The following MUC4 variants were observed in gnomAD, a reference collection of about 807,000 sequenced individuals.
MUC4 encodes the protein mucin 4, cell surface associated.
Under a neutral mutation model 257.9 loss-of-function variants are expected in MUC4, and 202 were observed. The ratio of observed to expected loss-of-function variants is 0.78; its 90% confidence interval spans 0.70 to 0.88. MUC4 has a LOEUF of 0.88. MUC4 is among the 40% of genes least tolerant of loss of function. The pLI is 0.00. For synonymous variants in MUC4, 2,351 were observed against 2,757.1 expected, an observed-to-expected ratio of 0.85 and a Z score of 4.62; for missense variants, 5,976 against 6,513.7, an observed-to-expected ratio of 0.92 and a Z score of 2.84.
chr3:195,767,463 TACC>T (rs1244582324), intron 7 of MUC4, among the ~76,000 whole-genome samples: 9 of 37,262 alleles, frequency 2.4e-4, no homozygotes, highest in African/African-American at 6.6e-4. Context: ...CCACCAACAC[TACC>T]ACCACCATCA....
chr3:195,748,519 G>A (rs1335074775), intron 24 of MUC4, among the ~76,000 whole-genome samples: 2 of 152,246 alleles, frequency 1.3e-5, no homozygotes, highest in African/African-American at 4.8e-5. Flanking sequence ...AGCCGAGAAC[G>A]CACCACTGCA....
chr3:195,800,557 T>C (rs971088155), intron 1 of MUC4, among the ~76,000 whole-genome samples: 1 of 152,210 alleles, frequency 6.6e-6, no homozygotes. Flanking sequence ...CACCATCATT[T>C]AAACAATACC....
Position 195,779,072 on chromosome 3 carries a change from A to G in MUC4, c.12508T>C (p.Ser4170Pro). The G allele has an allele frequency of 7.9e-7, 1 of 1,257,890 alleles. No individual in the cohort carries two copies. The highest frequency in any genetic ancestry group is 1.1e-6 in the Non-Finnish European group (1 of 951,524). The allele number at this position is 1,257,890 out of a possible 1,614,324, so 77.9% of individuals were successfully genotyped here. A position where few individuals can be genotyped will look rare whatever the true frequency, so the allele number is the denominator to read the frequency against. Residue 4170 changes from serine to proline, a missense_variant, in exon 2 of 25, where the codon TCC becomes CCC. By Grantham distance (74) the Ser-to-Pro change is moderately conservative. Coordinates refer to ENST00000463781, the MANE Select transcript of MUC4 (RefSeq NM_018406.7). ...GGAAGAGGGGTGCCGTGACCTGTGG[A>G]CACTGAGGAAGCGTCGGTGACAGGA... ...SLPVTDASSV[S>P]TGHGTPLPVT...
chr3:195,753,336 A>T, intron 19 of MUC4, 106 bp from the exon 20 acceptor site: 3 of 1,152,412 alleles, frequency 2.6e-6, no homozygotes, highest in Non-Finnish European at 3.8e-6. Flanking sequence ...CCAGTGTTCC[A>T]CTTCGGGCCA....
At chr3:195,763,041 C>T in intron 12 of MUC4, 96 bp from the exon 13 acceptor site, 1 of 1,084,562 alleles carries the variant, frequency 9.2e-7, no homozygotes, top group Non-Finnish European at 1.3e-6. Context: ...GAAGCTGCGC[C>T]CTGGGCCGGG....
chr3:195,796,774 G>C (rs1734630651), intron 1 of MUC4, among the ~76,000 whole-genome samples: 1 of 152,138 alleles, frequency 6.6e-6, no homozygotes, highest in South Asian at 2.1e-4. Context: ...AGACATTCAA[G>C]GAACAGGTAA....
chr3:195,766,853 A>G (rs1158909972), intron 7 of MUC4, 102 bp from the exon 8 acceptor site: 1 of 1,055,182 alleles, frequency 9.5e-7, no homozygotes, highest in Non-Finnish European at 1.4e-6. Context: ...CAGCTGGTCA[A>G]CCAGCTAGGC....
At position 195,783,269 on chromosome 3, in the gene MUC4, C is replaced by A. The variant is rs866521619; in HGVS notation, c.8311G>T (p.Val2771Phe). Residue 2771 changes from valine to phenylalanine, a missense_variant, in exon 2 of 25, where the codon GTC becomes TTC. Transcript: ENST00000463781. ...ASTGHATPLP[V>F]TNTSSVSTGH... ...GTGGATACTGAGGAAGTGTTGGTGACAGGAAGAGGGGTGGCGTGACCTGTG... is the reference window on the plus strand; with the variant it reads ...GTGGATACTGAGGAAGTGTTGGTGAAAGGAAGAGGGGTGGCGTGACCTGTG... The A allele has an allele frequency of 2.7e-6, 4 of 1,477,270 alleles. No individual in the cohort carries two copies. Among genetic ancestry groups the A allele is most frequent in the Non-Finnish European group, 9.2e-7 (1 of 1,090,760 alleles). 91.5% of individuals were successfully genotyped at this position (1,477,270 alleles called of 1,614,324 possible). A position where few individuals can be genotyped will look rare whatever the true frequency, so the allele number is the denominator to read the frequency against.
At chr3:195,811,703 C>A in intron 1 of MUC4, 33 bp downstream of exon 1, 7 of 1,608,132 alleles carry the variant, frequency 4.4e-6, no homozygotes, top group Non-Finnish European at 6.0e-6. Context: ...GTGCTCCCCG[C>A]AGCCAGCCTC....
At chr3:195,756,765 C>T (rs980450832) in intron 18 of MUC4, among the ~76,000 whole-genome samples, 1 of 152,108 alleles carries the variant, frequency 6.6e-6, no homozygotes, top group East Asian at 1.9e-4. Context: ...CGGGTGCAAG[C>T]GATTTTCCTG....
rs142880712 is a variant in MUC4, at chr3:195,765,391, G to A, written c.13677C>T (p.Leu4559=). 1.5e-5 allele frequency: 25 copies of A among 1,613,484 alleles called. No homozygotes were observed. In the African/African-American group the frequency reaches 1.7e-4, roughly 11 times the overall value. The stretch of plus-strand genomic sequence containing the variant: ...GGCTCTTCAGCCACTGCAGGCACTC[G>A]AGACGGTAGTTGGGCCTTTCTTCCC... ...LHREERPNYR[L]ECLQWLKSQP... The change falls in exon 9 of 25, where the codon CTC becomes CTT. Residue 4559 remains leucine, a synonymous_variant. Transcript: ENST00000463781.
intron 7 of MUC4, among the ~76,000 whole-genome samples, chr3:195,767,903 A>T (rs1337248791): frequency 7.5e-6 from 1 of 133,292 alleles, no homozygotes; most frequent in Non-Finnish European, 1.5e-5. Flanking sequence ...CACCATCACC[A>T]CCATCACCAT....
In MUC4 at chr3:195,788,549, C is replaced by G. The variant is rs375520350; in HGVS notation, c.3031G>C (p.Val1011Leu). 1.3e-4 allele frequency: 192 copies of G among 1,526,710 alleles called. 2 individuals carry two copies. In the South Asian group the frequency reaches 1.8e-3, roughly 14 times the overall value. 94.6% of individuals were successfully genotyped at this position (1,526,710 alleles called of 1,614,324 possible). A position where few individuals can be genotyped will look rare whatever the true frequency, so the allele number is the denominator to read the frequency against. ...GTGGATACTGAGGAAGGGCTGGTGA[C>G]AGGAAGAGGGGTGGCGTGACCTGTG... Reference protein sequence around the residue: ...VSTGHATPLPVTSPSSVSTGH... With the variant: ...VSTGHATPLPLTSPSSVSTGH... Residue 1011 changes from valine to leucine, a missense_variant, in exon 2 of 25, where the codon GTC (valine) becomes CTC (leucine). This residue lies in a region of MUC4 where 1,583 missense variants were observed against 1,257.4 expected (regional missense o/e 1.26). Coordinates refer to ENST00000463781, the MANE Select transcript of MUC4 (RefSeq NM_018406.7).
intron 7 of MUC4, among the ~76,000 whole-genome samples, chr3:195,767,630 TCACCACCACCATCGCCACCAC>T (rs1721294632): frequency 3.7e-5 from 1 of 26,714 alleles, no homozygotes; most frequent in East Asian, 1.5e-3. Flanking sequence ...ATCACCACCA[TCACCACCACCATCGCCACCAC>T]CACCACCACC....
intron 1 of MUC4, among the ~76,000 whole-genome samples, chr3:195,799,243 G>C (rs1734980599): frequency 8.3e-6 from 1 of 119,798 alleles, no homozygotes; most frequent in Non-Finnish European, 1.9e-5. Context: ...GTGTGTGTGT[G>C]TGTGTGTGTG....
intron 1 of MUC4, 43 bp downstream of exon 1, chr3:195,811,693 G>A: frequency 6.3e-7 from 1 of 1,590,022 alleles, no homozygotes; most frequent in Non-Finnish European, 8.6e-7. Flanking sequence ...CCTCCCCCAA[G>A]TGCTCCCCGC....
In MUC4 at chr3:195,790,213, C is replaced by G; in HGVS notation, c.1367G>C (p.Ser456Thr). The change falls in exon 2 of 25, where the codon AGT becomes ACT. Residue 456 changes from serine (S) to threonine (T), a missense_variant. Coordinates refer to ENST00000463781, the MANE Select transcript of MUC4 (RefSeq NM_018406.7). ...KISTAFHTQQ[S>T]EGAETTGRPH... ...CCGTCCTGTGGTCTCTGCACCTTCA[C>G]TCTGCTGGGTGTGGAAAGCTGTGGA... 1.2e-6 allele frequency: 2 copies of G among 1,614,030 alleles called. No individual in the cohort carries two copies. The highest frequency in any genetic ancestry group is 2.2e-5 in the East Asian group (1 of 44,890).
intron 5 of MUC4, among the ~76,000 whole-genome samples, chr3:195,771,274 T>C (rs1477349991): frequency 3.8e-4 from 21 of 55,048 alleles, no homozygotes; most frequent in African/African-American, 2.0e-3. Flanking sequence ...GTCTCGTGGT[T>C]GGGTTGGGGT....
chr3:195,792,875 CAG>C (rs1734042138), intron 1 of MUC4, among the ~76,000 whole-genome samples: 1 of 152,182 alleles, frequency 6.6e-6, no homozygotes, highest in Non-Finnish European at 1.5e-5. Flanking sequence ...AACAAACTAA[CAG>C]GGGAACAGAA....
Sources: allele counts gnomAD v4.1 joint callset (sites outside exome capture counted in the v4.1 genomes callset), GRCh38; gene constraint gnomAD v4.1.1; regional missense constraint gnomAD v4.1.1; transcripts MANE v1.5; gene names NCBI Gene and HGNC (gene_info 2026-07-23, HGNC 2026-07-21).